The following GPR158 variants were observed in gnomAD, a reference collection of about 807,000 sequenced individuals.
GPR158 encodes metabotropic glycine receptor.
In GPR158, 30 loss-of-function variants were observed where a neutral mutation model predicts 78.2. The ratio of observed to expected loss-of-function variants is 0.38; its 90% CI spans 0.29 to 0.52. The LOEUF is 0.52. GPR158 is among the 20% of genes least tolerant of loss of function. GPR158 has a pLI of 0.83. For missense variants in GPR158, 1,463 were observed against 1,523.5 expected (o/e 0.96, Z 0.66); for synonymous variants, 581 against 591.1 (o/e 0.98, Z 0.25).
intron 3 of GPR158, among the ~76,000 whole-genome samples, chr10:25,399,640 G>T: frequency 6.6e-6 from 1 of 152,130 alleles, no homozygotes; most frequent in East Asian, 1.9e-4. Flanking sequence ...TTTCCTGATG[G>T]CCTTGTCAAG....
intron 2 of GPR158, among the ~76,000 whole-genome samples, chr10:25,301,403 T>G (rs1416994): frequency 0.2 from 30,769 of 152,088 alleles, 5,249 homozygotes; most frequent in African/African-American, 0.47. Context: ...GTCCCTACCC[T>G]CAGAGATACT....
chr10:25,208,850 CT>C (rs569632042), intron 1 of GPR158, among the ~76,000 whole-genome samples: 10,823 of 134,948 alleles, frequency 0.08, 1,136 homozygotes, highest in African/African-American at 0.27. Context: ...TTCTTTCCTT[CT>C]TTTTTTTTTT....
intron 2 of GPR158, among the ~76,000 whole-genome samples, chr10:25,262,373 A>G (rs1412724798): frequency 1.3e-5 from 2 of 152,166 alleles, no homozygotes; most frequent in African/African-American, 4.8e-5. Context: ...TAACAAATTA[A>G]TGATTGCAAT....
intron 4 of GPR158, among the ~76,000 whole-genome samples, chr10:25,431,394 C>A: frequency 6.8e-6 from 1 of 147,742 alleles, no homozygotes; most frequent in East Asian, 1.9e-4. Flanking sequence ...AATAGGAACA[C>A]TTTTACACTG....
chr10:25,430,334 A>G (rs1292611767), intron 4 of GPR158, among the ~76,000 whole-genome samples: 1 of 150,834 alleles, frequency 6.6e-6, no homozygotes, highest in Non-Finnish European at 1.5e-5. Flanking sequence ...AAGGAGAACT[A>G]CAAACCACTG....
At chr10:25,526,135 A>G (rs891674495) in intron 5 of GPR158, among the ~76,000 whole-genome samples, 1 of 148,826 alleles carries the variant, frequency 6.7e-6, no homozygotes. Flanking sequence ...AAAAAAAGTC[A>G]TAGCAATTCT....
chr10:25,431,648 G>T (rs1329061331), intron 4 of GPR158, among the ~76,000 whole-genome samples: 1 of 146,756 alleles, frequency 6.8e-6, no homozygotes, highest in African/African-American at 2.5e-5. Context: ...AGAAAATGTG[G>T]CACATATACA....
intron 7 of GPR158, among the ~76,000 whole-genome samples, chr10:25,581,055 G>A (rs1246750921): frequency 6.7e-6 from 1 of 150,104 alleles, no homozygotes; most frequent in East Asian, 1.9e-4. Context: ...CTCCCGAGTA[G>A]CTGGGACTAC....
At chr10:25,494,457 A>C (rs1588886671) in intron 5 of GPR158, among the ~76,000 whole-genome samples, 1 of 152,322 alleles carries the variant, frequency 6.6e-6, no homozygotes, top group East Asian at 1.9e-4. Context: ...TCATTAGTAT[A>C]ATCATGTATT....
chr10:25,234,365 G>A (rs1435558253), intron 2 of GPR158, among the ~76,000 whole-genome samples: 1 of 152,182 alleles, frequency 6.6e-6, no homozygotes, highest in African/African-American at 2.4e-5. Context: ...TTAATTAAAA[G>A]AGCAATCTAT....
chr10:25,185,092 A>C (rs1161822755), intron 1 of GPR158, among the ~76,000 whole-genome samples: 1 of 152,234 alleles, frequency 6.6e-6, no homozygotes, highest in Non-Finnish European at 1.5e-5. Context: ...GTCTGCAGAC[A>C]TTGCCAAATA....
At chr10:25,562,231 A>G (rs2130722434) in intron 6 of GPR158, among the ~76,000 whole-genome samples, 1 of 152,126 alleles carries the variant, frequency 6.6e-6, no homozygotes, top group South Asian at 2.1e-4. Context: ...AATTTTGTTT[A>G]TCTTCTGGAA....
intron 2 of GPR158, among the ~76,000 whole-genome samples, chr10:25,379,412 T>C (rs1449006246): frequency 6.6e-6 from 1 of 152,130 alleles, no homozygotes; most frequent in Non-Finnish European, 1.5e-5. Context: ...TGATGGATAG[T>C]AGTCCATGAA....
At chr10:25,395,844 A>G in intron 2 of GPR158, 67 bp from the exon 3 acceptor site, 1 of 648,346 alleles carries the variant, frequency 1.5e-6, no homozygotes, top group South Asian at 2.1e-5. Context: ...AATGATGGAT[A>G]TCTGCGAGCC....
At chr10:25,222,298 G>A (rs1853309928) in intron 2 of GPR158, among the ~76,000 whole-genome samples, 1 of 151,210 alleles carries the variant, frequency 6.6e-6, no homozygotes, top group Non-Finnish European at 1.5e-5. Flanking sequence ...ACTCTCCACA[G>A]CATCCCTCAA....
At chr10:25,297,652 A>C (rs1163617484) in intron 2 of GPR158, among the ~76,000 whole-genome samples, 2 of 152,182 alleles carry the variant, frequency 1.3e-5, no homozygotes, top group Non-Finnish European at 2.9e-5. Context: ...GTTCAGATGG[A>C]GATTAAAGAC....
intron 4 of GPR158, among the ~76,000 whole-genome samples, chr10:25,429,315 A>T (rs1406456783): frequency 6.6e-6 from 1 of 152,142 alleles, no homozygotes; most frequent in Non-Finnish European, 1.5e-5. Flanking sequence ...GGTATATGTC[A>T]CTAAAATGCT....
Position 25,338,417 on chromosome 10 carries a change from A to G in GPR158, c.1009-57494A>G, listed in dbSNP as rs968804813. Reference sequence around the variant, plus strand: ...TATATATTATTATATATAACGTATTATATATTATTATATATACGTATTATA... The same window carrying G: ...TATATATTATTATATATAACGTATTGTATATTATTATATATACGTATTATA... On this transcript the variant is annotated intron_variant, in intron 2 of 10. Coordinates refer to ENST00000376351, the MANE Select transcript of GPR158 (RefSeq NM_020752.3). Among the ~76,000 whole-genome samples the G allele has an allele frequency of 2.8e-5, 4 of 145,286 alleles. No individual in the cohort carries two copies. The Admixed American group carries it at 2.8e-4, about 10-fold the overall frequency.
chr10:25,372,451 A>T (rs542763675), intron 2 of GPR158, among the ~76,000 whole-genome samples: 2 of 144,540 alleles, frequency 1.4e-5, no homozygotes, highest in Admixed American at 1.4e-4. Context: ...AAGACTTGGA[A>T]CCAACCCAAA....
Sources: gnomAD v4.1 joint callset for allele counts (sites outside exome capture counted in the v4.1 genomes callset) on GRCh38, gnomAD v4.1.1 for gene constraint, MANE v1.5 for transcripts, NCBI Gene and HGNC (gene_info 2026-07-23, HGNC 2026-07-21) for gene names.